The following RAB27B variants were observed in gnomAD, a reference collection of about 807,000 sequenced individuals.
RAB27B encodes the protein RAB27B, member RAS oncogene family.
In RAB27B, 15 loss-of-function variants were observed where a neutral mutation model predicts 24.6. The ratio of observed to expected loss-of-function variants is 0.61; its 90% CI spans 0.41 to 0.94. The LOEUF (loss-of-function observed/expected upper bound fraction) is 0.94, where lower values mean the gene tolerates loss of function less well. Ranked by LOEUF, RAB27B falls within the 40% of genes least tolerant of loss-of-function variation. RAB27B has a pLI of 0.00. For missense variants in RAB27B, 261 were observed against 266.8 expected (o/e 0.98, Z 0.15); for synonymous variants, 105 against 92.5 (o/e 1.14, Z -0.78).
intron 1 of RAB27B, among the ~76,000 whole-genome samples, chr18:54,855,100 C>T (rs1221460377): frequency 6.6e-6 from 1 of 152,196 alleles, no homozygotes; most frequent in Non-Finnish European, 1.5e-5. Context: ...GAGACAGTGA[C>T]AGATCATCAG....
intron 2 of RAB27B, among the ~76,000 whole-genome samples, chr18:54,786,608 G>T (rs1480531248): frequency 2.0e-5 from 3 of 152,180 alleles, no homozygotes; most frequent in African/African-American, 4.8e-5. Context: ...ACATGCATAA[G>T]AATAGTCTTT....
chr18:54,728,559 T>C (rs1046786019), intron 2 of RAB27B, among the ~76,000 whole-genome samples: 4 of 151,920 alleles, frequency 2.6e-5, no homozygotes, highest in African/African-American at 9.7e-5. Context: ...AGGAAGTTCT[T>C]TGAGTGGAAG....
chr18:54,878,190 A>G (rs529548179), intron 2 of RAB27B, among the ~76,000 whole-genome samples: 52 of 152,342 alleles, frequency 3.4e-4, no homozygotes, highest in Non-Finnish European at 6.2e-4. Context: ...ATTTTTATTT[A>G]TGTGTAGACT....
Position 54,892,644 on chromosome 18 carries a change from C to T in RAB27B, c.*3231C>T, listed in dbSNP as rs916450284. On this transcript the variant is annotated 3_prime_UTR_variant, in exon 6 of 6. Transcript: ENST00000262094. The stretch of plus-strand genomic sequence containing the variant: ...AAGGATTGGCAGAGAAAATACTAAA[C>T]GCCAAGAGTTGAGCCTGTGGGTCTC... 10 of 152,036 alleles carry T rather than the reference C, an allele frequency of 6.6e-5. No individual in the cohort carries two copies. Among genetic ancestry groups the T allele is most frequent in the South Asian group, 2.1e-4 (1 of 4,828 alleles). The allele number at this position is 152,036 out of a possible 1,614,324, so 9.4% of individuals were successfully genotyped here.
At chr18:54,728,226 G>T (rs2144985332) in intron 2 of RAB27B, among the ~76,000 whole-genome samples, 1 of 152,278 alleles carries the variant, frequency 6.6e-6, no homozygotes, top group South Asian at 2.1e-4. Context: ...GTAGGGGTGG[G>T]GAGGCTACAG....
At chr18:54,745,312 C>A in intron 2 of RAB27B, 1 of 182,758 alleles carries the variant, frequency 5.5e-6, no homozygotes, top group South Asian at 1.2e-4. Flanking sequence ...CCCGTGAACG[C>A]CCATGGGAGG....
chr18:54,889,317 G>C lies in RAB27B; in HGVS notation c.561G>C (p.Gln187His), dbSNP rs778632811. The C allele has an allele frequency of 2.5e-6, 4 of 1,613,494 alleles. No homozygotes were observed. The highest frequency in any genetic ancestry group is 2.2e-5 in the South Asian group (2 of 91,042). The change falls in exon 6 of 6, where the codon CAG (glutamine) becomes CAC (histidine). Residue 187 changes from glutamine to histidine, a missense_variant. Gln to His is a conservative substitution (Grantham distance 24, BLOSUM62 0). Transcript: ENST00000262094. ...ACTTAATCATGAAGCGAATGGAACA[G>C]TGTGTGGAGAAGACACAAATCCCTG... ...LLDLIMKRME[Q>H]CVEKTQIPDT...
chr18:54,777,925 C>G (rs1409094709), intron 2 of RAB27B, among the ~76,000 whole-genome samples: 1 of 150,100 alleles, frequency 6.7e-6, no homozygotes, highest in Non-Finnish European at 1.5e-5. Flanking sequence ...CTTACTTTCA[C>G]TAATTGTCTC....
intron 1 of RAB27B, among the ~76,000 whole-genome samples, chr18:54,876,647 G>T (rs1003586013): frequency 6.6e-6 from 1 of 151,842 alleles, no homozygotes. Context: ...TGGTATTCTC[G>T]GTGTTACTGG....
intron 1 of RAB27B, among the ~76,000 whole-genome samples, chr18:54,846,919 C>G (rs576726456): frequency 6.6e-6 from 1 of 151,786 alleles, no homozygotes. Context: ...GGTGTGATCT[C>G]GGCTCACTGC....
chr18:54,877,886 C>G, intron 2 of RAB27B, 148 bp downstream of exon 2: 1 of 880,458 alleles, frequency 1.1e-6, no homozygotes, highest in Non-Finnish European at 1.6e-6. Flanking sequence ...ATATTATTTA[C>G]TACTTTTCAA....
At chr18:54,877,852 C>T (rs1267217910) in intron 2 of RAB27B, 114 bp downstream of exon 2, 3 of 1,078,460 alleles carry the variant, frequency 2.8e-6, no homozygotes, top group Non-Finnish European at 3.9e-6. Context: ...AAATTCATAA[C>T]CTGTCATTTT....
intron 2 of RAB27B, among the ~76,000 whole-genome samples, chr18:54,766,734 C>T (rs915319499): frequency 6.6e-6 from 1 of 152,102 alleles, no homozygotes; most frequent in Non-Finnish European, 1.5e-5. Flanking sequence ...ATGTTGCATA[C>T]CCCTCTGGTA....
At chr18:54,791,160 A>G (rs1909233772) in intron 2 of RAB27B, among the ~76,000 whole-genome samples, 1 of 152,192 alleles carries the variant, frequency 6.6e-6, no homozygotes, top group African/African-American at 2.4e-5. Flanking sequence ...CCCTCTCATT[A>G]CTTTATAGGC....
chr18:54,781,506 C>T (rs1356559368), intron 2 of RAB27B, among the ~76,000 whole-genome samples: 2 of 152,100 alleles, frequency 1.3e-5, no homozygotes, highest in Non-Finnish European at 2.9e-5. Flanking sequence ...CTAGTCCTGC[C>T]TGTCTATTTG....
Position 54,888,306 on chromosome 18 carries a change from C to T in RAB27B, c.467+188C>T. The T allele has an allele frequency of 7.1e-6, 4 of 566,722 alleles. No homozygotes were observed. The South Asian group carries it at 1.4e-4, about 20-fold the overall frequency. 35.1% of individuals were successfully genotyped at this position (566,722 alleles called of 1,614,324 possible). A position where few individuals can be genotyped will look rare whatever the true frequency, so the allele number is the denominator to read the frequency against. Reference sequence around the variant, plus strand: ...TAATAATAAGAGCACCTAACATTTACTGTATACCTATAATGTGCTAGCAAC... The same window carrying T: ...TAATAATAAGAGCACCTAACATTTATTGTATACCTATAATGTGCTAGCAAC... On this transcript the variant is annotated intron_variant, in intron 5 of 5. Transcript: ENST00000262094.
chr18:54,880,692 C>G (rs1157125969), intron 3 of RAB27B: 2 of 152,080 alleles, frequency 1.3e-5, no homozygotes, highest in African/African-American at 4.8e-5. Context: ...TTTTACAGAG[C>G]ACTTTAATTC....
At chr18:54,835,656 T>C (rs4800977) in intron 1 of RAB27B, among the ~76,000 whole-genome samples, 96,924 of 151,782 alleles carry the variant, frequency 0.64, 33,513 homozygotes, top group East Asian at 0.91. Context: ...AAATAGGCCA[T>C]CATGTTTGAA....
At chr18:54,737,220 A>G (rs1217906936) in intron 2 of RAB27B, among the ~76,000 whole-genome samples, 3 of 152,184 alleles carry the variant, frequency 2.0e-5, no homozygotes, top group African/African-American at 7.2e-5. Context: ...GGGTTGTCTT[A>G]TGCACACAAG....
Sources: allele counts gnomAD v4.1 joint callset (sites outside exome capture counted in the v4.1 genomes callset), GRCh38; gene constraint gnomAD v4.1.1; transcripts MANE v1.5; gene names NCBI Gene and HGNC (gene_info 2026-07-23, HGNC 2026-07-21).